The following C1orf21 variants were observed in gnomAD, a reference collection of about 807,000 sequenced individuals.
C1orf21 encodes uncharacterized protein C1orf21.
Under a neutral mutation model 18.7 loss-of-function variants are expected in C1orf21, and 3 were observed. That is an observed-to-expected ratio of 0.16 (90% CI 0.07 to 0.42). The LOEUF (loss-of-function observed/expected upper bound fraction) is 0.42, where lower values mean the gene tolerates loss of function less well. Ranked by LOEUF, C1orf21 falls within the 10% of genes least tolerant of loss-of-function variation. The pLI is 0.99. For synonymous variants in C1orf21, 41 were observed against 46.4 expected (o/e 0.88, Z 0.47); for missense variants, 104 against 143.6 (o/e 0.72, Z 1.41).
chr1:184,450,649 T>G (rs957526245), intron 1 of C1orf21, among the ~76,000 whole-genome samples: 2 of 152,134 alleles, frequency 1.3e-5, no homozygotes, highest in Non-Finnish European at 2.9e-5. Context: ...TATAGCCAAA[T>G]TGCCTCTTTT....
At chr1:184,522,475 A>G (rs1658318654) in intron 3 of C1orf21, among the ~76,000 whole-genome samples, 1 of 152,100 alleles carries the variant, frequency 6.6e-6, no homozygotes, top group South Asian at 2.1e-4. Flanking sequence ...GAGAATATGT[A>G]AGAGGCTCCT....
Position 184,576,274 on chromosome 1 carries a change from G to A in C1orf21, c.190-14465G>A, listed in dbSNP as rs181802758. On this transcript the variant is annotated intron_variant, in intron 3 of 5. Transcript: ENST00000235307. Reference sequence around the variant, plus strand: ...TGAGTAGCTGGAATTATAGGCATGCGCCACCACATCCAGCTAATTTTTGTA... The same window carrying A: ...TGAGTAGCTGGAATTATAGGCATGCACCACCACATCCAGCTAATTTTTGTA... Among the ~76,000 whole-genome samples, 158 of 152,202 alleles carry A rather than the reference G, an allele frequency of 1.0e-3. 1 individual carries two copies. In the Middle Eastern group the frequency reaches 0.024, roughly 23 times the overall value.
At chr1:184,615,505 A>T (rs559870638) in intron 5 of C1orf21, among the ~76,000 whole-genome samples, 109 of 152,332 alleles carry the variant, frequency 7.2e-4, no homozygotes, top group Non-Finnish European at 1.0e-3. Context: ...ACGCATCCTG[A>T]CAAAGACTTC....
chr1:184,623,996 A>G lies in C1orf21; in HGVS notation c.*4440A>G, dbSNP rs1460920773. ...CCAGATACTGTGCTAGGCATTTTAT[A>G]ATTGTTTTGTGTCATCCTCATGATA... On this transcript the variant is annotated 3_prime_UTR_variant, in exon 6 of 6. Coordinates refer to ENST00000235307, the MANE Select transcript of C1orf21 (RefSeq NM_030806.4). 1 of 152,548 alleles carries G rather than the reference A, an allele frequency of 6.6e-6. No homozygotes were observed. The highest frequency in any genetic ancestry group is 2.4e-5 in the African/African-American group (1 of 41,420). The allele number at this position is 152,548 out of a possible 1,614,324, so 9.4% of individuals were successfully genotyped here. A position where few individuals can be genotyped will look rare whatever the true frequency, so the allele number is the denominator to read the frequency against.
chr1:184,419,440 A>G (rs1303082267), intron 1 of C1orf21, among the ~76,000 whole-genome samples: 1 of 152,168 alleles, frequency 6.6e-6, no homozygotes, highest in African/African-American at 2.4e-5. Flanking sequence ...AAGAAGTTAG[A>G]GCAATAAAAG....
At chr1:184,448,714 C>A (rs1374586865) in intron 1 of C1orf21, among the ~76,000 whole-genome samples, 1 of 152,054 alleles carries the variant, frequency 6.6e-6, no homozygotes, top group African/African-American at 2.4e-5. Flanking sequence ...GCAGGGAGAC[C>A]ACGGGGCTTC....
chr1:184,410,402 T>C (rs1656314402), intron 1 of C1orf21, among the ~76,000 whole-genome samples: 1 of 150,684 alleles, frequency 6.6e-6, no homozygotes, highest in Admixed American at 6.6e-5. Context: ...TCAGTCTCGA[T>C]TTAGTGTGCA....
At chr1:184,610,741 G>A (rs1282334785) in intron 5 of C1orf21, among the ~76,000 whole-genome samples, 2 of 151,784 alleles carry the variant, frequency 1.3e-5, no homozygotes, top group East Asian at 1.9e-4. Context: ...CCAGGTACTC[G>A]GGAGGCTGAG....
In C1orf21 at chr1:184,559,603, C is replaced by T. The variant is rs938066014; in HGVS notation, c.190-31136C>T. ...CCTCTCTTCCTCCCTTCCTTCCTTCCTTCCTTCCTCCCTCCCTCCCTCCCT... is the reference window on the plus strand; with the variant it reads ...CCTCTCTTCCTCCCTTCCTTCCTTCTTTCCTTCCTCCCTCCCTCCCTCCCT... On this transcript the variant is annotated intron_variant, in intron 3 of 5. Coordinates refer to ENST00000235307, the MANE Select transcript of C1orf21 (RefSeq NM_030806.4). Among the ~76,000 whole-genome samples, 427 of 137,548 alleles carry T rather than the reference C, an allele frequency of 3.1e-3. 8 individuals carry two copies. Among genetic ancestry groups the T allele is most frequent in the African/African-American group, 9.4e-3 (338 of 36,106 alleles). 90.2% of individuals were successfully genotyped at this position (137,548 alleles called of 152,430 possible). A position where few individuals can be genotyped will look rare whatever the true frequency, so the allele number is the denominator to read the frequency against.
chr1:184,402,151 T>C (rs1362222463), intron 1 of C1orf21, among the ~76,000 whole-genome samples: 2 of 152,236 alleles, frequency 1.3e-5, no homozygotes, highest in Non-Finnish European at 2.9e-5. Context: ...ATTTAGTTCC[T>C]CGGTCACACT....
chr1:184,463,149 C>A (rs1222835765), intron 1 of C1orf21, among the ~76,000 whole-genome samples: 1 of 150,572 alleles, frequency 6.6e-6, no homozygotes, highest in East Asian at 1.9e-4. Context: ...AGTTGTTGGT[C>A]AAGCCTTTGT....
chr1:184,530,000 C>T (rs188596485), intron 3 of C1orf21, among the ~76,000 whole-genome samples: 43 of 152,266 alleles, frequency 2.8e-4, no homozygotes, highest in Admixed American at 1.6e-3. Context: ...TACTTTTACA[C>T]GCTTCACCTT....
chr1:184,596,826 G>C (rs1382352949), intron 4 of C1orf21, among the ~76,000 whole-genome samples: 1 of 150,074 alleles, frequency 6.7e-6, no homozygotes, highest in East Asian at 2.0e-4. Flanking sequence ...AGCTGGGATC[G>C]CACCACTGTA....
intron 1 of C1orf21, among the ~76,000 whole-genome samples, chr1:184,462,855 G>A (rs112976892): frequency 6.6e-6 from 1 of 152,002 alleles, no homozygotes; most frequent in Non-Finnish European, 1.5e-5. Context: ...GCTGAGGTGG[G>A]CGGATCACCT....
intron 2 of C1orf21, among the ~76,000 whole-genome samples, chr1:184,478,546 G>A (rs1657607324): frequency 6.6e-6 from 1 of 152,178 alleles, no homozygotes; most frequent in Non-Finnish European, 1.5e-5. Flanking sequence ...GTCAGGAGGT[G>A]GGGTAGCAAT....
intron 1 of C1orf21, among the ~76,000 whole-genome samples, chr1:184,410,601 T>C (rs1480850693): frequency 1.1e-5 from 1 of 89,476 alleles, no homozygotes; most frequent in Non-Finnish European, 1.9e-5. Flanking sequence ...AGTGAAAGAT[T>C]AATTTGCCAT....
intron 3 of C1orf21, among the ~76,000 whole-genome samples, chr1:184,524,986 A>G (rs1416347150): frequency 6.6e-6 from 1 of 152,064 alleles, no homozygotes; most frequent in Admixed American, 6.6e-5. Flanking sequence ...TACCTCTTAA[A>G]ATAACAGTAT....
chr1:184,535,343 C>G (rs549479676), intron 3 of C1orf21, among the ~76,000 whole-genome samples: 14 of 152,248 alleles, frequency 9.2e-5, no homozygotes, highest in Non-Finnish European at 1.6e-4. Flanking sequence ...CAGGAAGTCG[C>G]TAAGTAGAGC....
rs1416472787 is a variant in C1orf21, at chr1:184,469,142, C to T, written c.-124-8244C>T. ...GCACGTGCCTGTAGTCCCAGCTACTCAGGAGGCTGAGGCACGAGAATTGCT... is the reference window on the plus strand; with the variant it reads ...GCACGTGCCTGTAGTCCCAGCTACTTAGGAGGCTGAGGCACGAGAATTGCT... On this transcript the variant is annotated intron_variant, in intron 1 of 5. Coordinates refer to ENST00000235307, the MANE Select transcript of C1orf21 (RefSeq NM_030806.4). 9.9e-5 allele frequency among the ~76,000 whole-genome samples: 15 copies of T among 151,980 alleles called. 1 individual carries two copies. The highest frequency in any genetic ancestry group is 9.8e-4 in the Admixed American group (15 of 15,264).
Sources: gnomAD v4.1 joint callset for allele counts (sites outside exome capture counted in the v4.1 genomes callset) on GRCh38, gnomAD v4.1.1 for gene constraint, MANE v1.5 for transcripts, NCBI Gene and HGNC (gene_info 2026-07-23, HGNC 2026-07-21) for gene names.